The following POLQ variants were observed in gnomAD, a reference collection of about 807,000 sequenced individuals.
POLQ encodes the protein epididymis secretory sperm binding protein.
In POLQ, 233 loss-of-function variants were observed where a neutral mutation model predicts 259.2. The ratio of observed to expected loss-of-function variants is 0.90; its 90% CI spans 0.81 to 1.00. POLQ has a LOEUF of 1.00. POLQ is among the 50% of genes least tolerant of loss of function. The probability of loss-of-function intolerance (pLI) is 0.00; values close to 1 mark genes in which losing one functional copy is unlikely to be tolerated. For synonymous variants in POLQ, 1,025 were observed against 1,048.8 expected, an observed-to-expected ratio of 0.98 and a Z score of 0.44; for missense variants, 2,871 against 3,051.6, an observed-to-expected ratio of 0.94 and a Z score of 1.39.
At chr3:121,461,767 C>T (rs2047793802) in intron 24 of POLQ, among the ~76,000 whole-genome samples, 1 of 151,924 alleles carries the variant, frequency 6.6e-6, no homozygotes, top group South Asian at 2.1e-4. Context: ...CCCATATTTG[C>T]TTATATCTGC....
intron 19 of POLQ, among the ~76,000 whole-genome samples, chr3:121,478,170 C>A (rs1236324679): frequency 6.6e-6 from 1 of 152,118 alleles, no homozygotes; most frequent in Non-Finnish European, 1.5e-5. Flanking sequence ...GTCTCAGACT[C>A]CTGTTCTGAA....
chr3:121,498,774 G>T, intron 12 of POLQ, 104 bp from the exon 13 acceptor site: 1 of 791,182 alleles, frequency 1.3e-6, no homozygotes, highest in Non-Finnish European at 2.0e-6. Flanking sequence ...GATGGTATGT[G>T]CCTGTAGTCC....
Position 121,436,293 on chromosome 3 carries a change from C to T in POLQ, c.7390-18G>A, listed in dbSNP as rs766782223. On this transcript the variant is annotated intron_variant, in intron 27 of 29. Transcript: ENST00000264233. ...CGCTCAGCCTAGAAAAAACAATCAA[C>T]AGGTGCTCCACCAGATATGCCAACA... 1 of 1,612,582 alleles carries T rather than the reference C, an allele frequency of 6.2e-7. No homozygotes were observed. Among genetic ancestry groups the T allele is most frequent in the East Asian group, 2.2e-5 (1 of 44,850 alleles).
intron 15 of POLQ, among the ~76,000 whole-genome samples, chr3:121,492,953 C>T (rs1200975758): frequency 1.3e-5 from 2 of 151,842 alleles, no homozygotes. Flanking sequence ...CCCACTCAGA[C>T]GTTCTAGCAG....
At chr3:121,545,116 T>C (rs2048521424) in intron 1 of POLQ, among the ~76,000 whole-genome samples, 1 of 152,072 alleles carries the variant, frequency 6.6e-6, no homozygotes, top group Admixed American at 6.6e-5. Flanking sequence ...CTTAAAAGCC[T>C]CAAACGAACA....
chr3:121,495,569 C>T (rs1576417114), intron 14 of POLQ, among the ~76,000 whole-genome samples: 1 of 151,838 alleles, frequency 6.6e-6, no homozygotes, highest in Non-Finnish European at 1.5e-5. Context: ...CCCGGCCGGG[C>T]GCGGGTGGCT....
chr3:121,458,269 A>T (rs1234227616), intron 25 of POLQ, among the ~76,000 whole-genome samples: 3 of 152,148 alleles, frequency 2.0e-5, no homozygotes, highest in African/African-American at 7.2e-5. Flanking sequence ...TAGCATTAGG[A>T]GATATACCTA....
chr3:121,454,441 T>C (rs1375684524), intron 25 of POLQ, among the ~76,000 whole-genome samples: 1 of 152,108 alleles, frequency 6.6e-6, no homozygotes, highest in Admixed American at 6.6e-5. Flanking sequence ...GACTGGCAAA[T>C]TGGATAAAGA....
chr3:121,509,556 CT>C lies in POLQ; in HGVS notation c.1959+4del, dbSNP rs41542814. 5.3e-5 allele frequency: 85 copies of C among 1,607,070 alleles called. No individual in the cohort carries two copies. The highest frequency in any genetic ancestry group is 2.1e-4 in the Admixed American group (12 of 58,520). On this transcript the variant is annotated splice_donor_region_variant and intron_variant, in intron 12 of 29. Transcript: ENST00000264233. ...CACAAACATAATTGTTAAAACAGAA[CT>C]TACCAGATAGAGAATATGAAGATCA...
At chr3:121,523,453 C>T (rs77986428) in intron 7 of POLQ, among the ~76,000 whole-genome samples, 1 of 152,028 alleles carries the variant, frequency 6.6e-6, no homozygotes, top group African/African-American at 2.4e-5. Flanking sequence ...GGCTGACACC[C>T]GTAATCCCAG....
chr3:121,469,910 G>A (rs2047869924), intron 22 of POLQ, among the ~76,000 whole-genome samples: 1 of 152,034 alleles, frequency 6.6e-6, no homozygotes, highest in Non-Finnish European at 1.5e-5. Flanking sequence ...AAGAAATGTT[G>A]CACATTTATT....
At chr3:121,466,363 C>CAAAAAA (rs751087085) in intron 24 of POLQ, among the ~76,000 whole-genome samples, 1 of 94,162 alleles carries the variant, frequency 1.1e-5, no homozygotes, top group African/African-American at 4.2e-5. Flanking sequence ...GACTCCGTCT[C>CAAAAAA]AAAAAAAAAA....
Position 121,498,612 on chromosome 3 carries a change from C to T in POLQ, c.2018G>A (p.Trp673Ter). ...TTTCATTGAAGTTGGCAACTTCTCCCATAAACAGAAAAATCGATACCAATC... is the reference window on the plus strand; with the variant it reads ...TTTCATTGAAGTTGGCAACTTCTCCTATAAACAGAAAAATCGATACCAATC... ...TIDWYRFFCL[W>*]EKLPTSMKRV... Residue 673 changes from tryptophan to a stop codon, truncating the protein, a stop_gained, in exon 13 of 30, where the codon TGG becomes TAG. Transcript: ENST00000264233. LOFTEE classifies it high-confidence loss of function. 1 of 1,613,938 alleles carries T rather than the reference C, an allele frequency of 6.2e-7. No individual in the cohort carries two copies. The highest frequency in any genetic ancestry group is 8.5e-7 in the Non-Finnish European group (1 of 1,179,818).
Position 121,510,263 on chromosome 3 carries a change from A to C in POLQ, c.1612-20T>G. On this transcript the variant is annotated intron_variant, in intron 10 of 29. Transcript: ENST00000264233. Reference sequence around the variant, plus strand: ...TATTATCTGAAAGAAGATATTTGGAAATTTCTGTAGCTTTTTAAGAAAACA... The same window carrying C: ...TATTATCTGAAAGAAGATATTTGGACATTTCTGTAGCTTTTTAAGAAAACA... 1 of 1,575,826 alleles carries C rather than the reference A, an allele frequency of 6.3e-7. No homozygotes were observed. The highest frequency in any genetic ancestry group is 8.7e-7 in the Non-Finnish European group (1 of 1,146,178).
At chr3:121,460,024 A>G (rs779178392) in intron 25 of POLQ, 26 bp downstream of exon 25, 4 of 1,571,690 alleles carry the variant, frequency 2.5e-6, no homozygotes, top group Non-Finnish European at 3.5e-6. Flanking sequence ...CTTCTCCTTT[A>G]TATTAACCAT....
intron 7 of POLQ, among the ~76,000 whole-genome samples, chr3:121,523,464 A>G (rs1343412741): frequency 1.3e-5 from 2 of 152,156 alleles, no homozygotes; most frequent in African/African-American, 2.4e-5. Context: ...GTAATCCCAG[A>G]ACTTTGGGAG....
chr3:121,458,161 C>T (rs898201234), intron 25 of POLQ, among the ~76,000 whole-genome samples: 1 of 152,056 alleles, frequency 6.6e-6, no homozygotes, highest in Non-Finnish European at 1.5e-5. Context: ...CGCATGTTCT[C>T]ACTCATAGGT....
At chr3:121,479,073 G>A (rs2047950549) in intron 19 of POLQ, among the ~76,000 whole-genome samples, 1 of 152,000 alleles carries the variant, frequency 6.6e-6, no homozygotes, top group Admixed American at 6.6e-5. Flanking sequence ...ATACAACCAT[G>A]TACTCGAACT....
intron 14 of POLQ, among the ~76,000 whole-genome samples, chr3:121,496,209 C>T (rs887610354): frequency 6.7e-6 from 1 of 149,482 alleles, no homozygotes; most frequent in East Asian, 2.0e-4. Context: ...CAGAGTCTCG[C>T]TCTGTCACCC....
Sources: allele counts gnomAD v4.1 joint callset (sites outside exome capture counted in the v4.1 genomes callset), GRCh38; gene constraint gnomAD v4.1.1; transcripts MANE v1.5; gene names NCBI Gene and HGNC (gene_info 2026-07-23, HGNC 2026-07-21).